PKD1L3: variants seen among roughly 807,000 people sequenced by gnomAD.
PKD1L3 encodes polycystin-1-like protein 3.
A neutral mutation model predicts 184.1 loss-of-function variants in PKD1L3; 239 were observed. The observed-to-expected ratio is 1.30, with a 90% CI of 1.17 to 1.45. PKD1L3 has a LOEUF of 1.45. Ranked by LOEUF, PKD1L3 falls within the 40% of genes most tolerant of loss-of-function variation. PKD1L3 has a pLI of 0.00. For synonymous variants in PKD1L3, 996 were observed against 778.8 expected (o/e 1.28, Z -4.64); for missense variants, 2,660 against 2,067.2 (o/e 1.29, Z -5.56).
In PKD1L3 at chr16:71,977,279, G is replaced by A. The variant is rs1470451275; in HGVS notation, c.1716C>T (p.Phe572=). ...CCTTTGGAAGGGTGATGTTCAGGTG[G>A]AAGTGAGTGCAGTTAGGCTGATACT... ...GFQYQPNCTH[F]HLNITLPKDK... The change falls in exon 11 of 30, where the codon TTC becomes TTT. Residue 572 remains phenylalanine, a synonymous_variant. Transcript: ENST00000620267. The A allele has an allele frequency of 1.6e-5, 24 of 1,538,348 alleles. No homozygotes were observed. The highest frequency in any genetic ancestry group is 2.0e-5 in the Non-Finnish European group (23 of 1,135,024).
At chr16:71,974,827 T>C (rs2039858577) in intron 11 of PKD1L3, among the ~76,000 whole-genome samples, 1 of 152,184 alleles carries the variant, frequency 6.6e-6, no homozygotes, top group African/African-American at 2.4e-5. Flanking sequence ...TTAGAAGTGA[T>C]TGTTCCTGTG....
Position 71,998,309 on chromosome 16 carries a change from G to T in PKD1L3, c.381C>A (p.Asp127Glu). The T allele has an allele frequency of 1.3e-6, 2 of 1,552,208 alleles. No individual in the cohort carries two copies. Among genetic ancestry groups the T allele is most frequent in the Non-Finnish European group, 1.7e-6 (2 of 1,147,094 alleles). ...RNFIRISSKG[D>E]KCLLKYYFIC... ...TGAAATAGTATTTCAGTAAGCACTT[G>T]TCCCCTTTGGATGAGATCCGAATGA... The change falls in exon 2 of 30, where the codon GAC becomes GAA. Residue 127 changes from aspartate (D) to glutamate (E), a missense_variant. Asp to Glu is a conservative substitution (Grantham distance 45, BLOSUM62 2). Coordinates refer to ENST00000620267, the MANE Select transcript of PKD1L3 (RefSeq NM_181536.2).
At chr16:71,947,815 C>G (rs2038677361) in intron 21 of PKD1L3, among the ~76,000 whole-genome samples, 1 of 152,094 alleles carries the variant, frequency 6.6e-6, no homozygotes, top group Admixed American at 6.6e-5. Flanking sequence ...GCTTATAGTT[C>G]TTAATCTGGT....
At chr16:71,996,707 G>C (rs1002217875) in intron 2 of PKD1L3, among the ~76,000 whole-genome samples, 1 of 152,116 alleles carries the variant, frequency 6.6e-6, no homozygotes, top group African/African-American at 2.4e-5. Flanking sequence ...GTAACATTTT[G>C]AGATTGGCTT....
At chr16:71,996,507 G>T (rs1037505030) in intron 2 of PKD1L3, among the ~76,000 whole-genome samples, 1 of 152,048 alleles carries the variant, frequency 6.6e-6, no homozygotes, top group Admixed American at 6.6e-5. Context: ...TGATCCACCC[G>T]CCTTGGCCTC....
chr16:71,993,365 A>G, intron 2 of PKD1L3, 33 bp from the exon 3 acceptor site: 1 of 1,351,168 alleles, frequency 7.4e-7, no homozygotes, highest in Admixed American at 2.1e-5. Flanking sequence ...GTTAATTTAT[A>G]GGTTATAGCT....
chr16:71,996,606 C>T (rs1177455059), intron 2 of PKD1L3, among the ~76,000 whole-genome samples: 1 of 152,064 alleles, frequency 6.6e-6, no homozygotes, highest in Non-Finnish European at 1.5e-5. Context: ...TGCCCCCATG[C>T]CCTTCTTAGA....
rs778582001 is a variant in PKD1L3 at position 71,986,342 on chromosome 16, G to T, written c.713C>A (p.Pro238His). ...TTGCCCAGCATGCGTGACAGACACG[G>T]GCATGGTGAGCTGTGTTATCACAGG... is the stretch of plus-strand genomic sequence containing the variant. Reference protein sequence around the residue: ...PLPVITQLTMPVSVTHAGQSL... With the variant: ...PLPVITQLTMHVSVTHAGQSL... Residue 238 changes from proline (P) to histidine (H), a missense_variant, in exon 5 of 30, where the codon CCC becomes CAC. Physicochemically the swap from Pro to His is moderately conservative, Grantham distance 77. Coordinates refer to ENST00000620267, the MANE Select transcript of PKD1L3 (RefSeq NM_181536.2). 83 of 1,551,940 alleles carry T rather than the reference G, an allele frequency of 5.3e-5. No homozygotes were observed. The South Asian group carries it at 6.7e-4, about 12-fold the overall frequency.
intron 28 of PKD1L3, chr16:71,930,974 T>C (rs1297313297): frequency 1.3e-5 from 2 of 152,220 alleles, no homozygotes; most frequent in South Asian, 2.1e-4. Context: ...AAAATGATTA[T>C]TATAACAATT....
At position 71,984,112 on chromosome 16, in the gene PKD1L3, A is replaced by G. The variant is rs754589341; in HGVS notation, c.890T>C (p.Leu297Pro). Residue 297 changes from leucine (L) to proline (P), a missense_variant, in exon 6 of 30, where the codon CTT becomes CCT. Coordinates refer to ENST00000620267, the MANE Select transcript of PKD1L3 (RefSeq NM_181536.2). ...FSRAVHGLQA[L>P]NKLQEACEFL... Reference sequence around the variant, plus strand: ...CTCACAAGCTTCCTGTAGTTTGTTAAGAGCTTGCAAACCATGAACTGCTCT... The same window carrying G: ...CTCACAAGCTTCCTGTAGTTTGTTAGGAGCTTGCAAACCATGAACTGCTCT... The G allele has an allele frequency of 3.4e-5, 53 of 1,552,072 alleles. No individual in the cohort carries two copies. The highest frequency in any genetic ancestry group is 4.4e-5 in the Non-Finnish European group (51 of 1,147,028).
At chr16:71,935,861 C>G (rs1305100035) in intron 25 of PKD1L3, among the ~76,000 whole-genome samples, 1 of 152,280 alleles carries the variant, frequency 6.6e-6, no homozygotes, top group East Asian at 1.9e-4. Context: ...GCGATCATAG[C>G]TCACTGCAGC....
rs2040924249 is a variant in PKD1L3, at chr16:72,000,386, TG to T, written c.-409del. 6.6e-6 allele frequency among the ~76,000 whole-genome samples: 1 copy of T among 152,116 alleles called. No homozygotes were observed. ...TCTCATTCTGTTGGTCAGGCTGGAG[TG>T]CAGTGGCATGATCTCAGCTCACTGC... On this transcript the variant is annotated 5_prime_UTR_variant, in exon 1 of 30. It introduces an in-frame stop codon into an upstream open reading frame of the 5' UTR. Coordinates refer to ENST00000620267, the MANE Select transcript of PKD1L3 (RefSeq NM_181536.2).
At chr16:71,955,316 G>C (rs1209347503) in intron 16 of PKD1L3, among the ~76,000 whole-genome samples, 1 of 151,646 alleles carries the variant, frequency 6.6e-6, no homozygotes, top group East Asian at 1.9e-4. Context: ...GGGAGGGAGA[G>C]GGAAAGTAAT....
chr16:71,961,558 A>C (rs1877765424), intron 16 of PKD1L3, among the ~76,000 whole-genome samples: 1 of 115,488 alleles, frequency 8.7e-6, no homozygotes, highest in Non-Finnish European at 2.1e-5. Flanking sequence ...TGCCACGCAG[A>C]AGCCATACAT....
intron 24 of PKD1L3, among the ~76,000 whole-genome samples, chr16:71,937,733 G>T (rs1416101925): frequency 6.6e-6 from 1 of 152,190 alleles, no homozygotes; most frequent in Non-Finnish European, 1.5e-5. Flanking sequence ...AGTGGCTGCA[G>T]AGAGAGGTCT....
chr16:71,968,119 C>T, intron 13 of PKD1L3, 112 bp from the exon 14 acceptor site: 1 of 813,036 alleles, frequency 1.2e-6, no homozygotes, highest in Non-Finnish European at 1.9e-6. Flanking sequence ...GGCAGCCCTG[C>T]AGAAAGCAGG....
Position 71,982,044 on chromosome 16 carries a change from A to G in PKD1L3, c.1143+15T>C, listed in dbSNP as rs1303401159. On this transcript the variant is annotated intron_variant, in intron 7 of 29. Transcript: ENST00000620267. ...CTTCTAAGCAGATCTGGCCACCTGC[A>G]TATCTGGCACCTACCGGCTCAGTAT... 3.9e-6 allele frequency: 6 copies of G among 1,532,640 alleles called. No individual in the cohort carries two copies. Among genetic ancestry groups the G allele is most frequent in the East Asian group, 4.9e-5 (2 of 40,732 alleles). 94.9% of individuals were successfully genotyped at this position (1,532,640 alleles called of 1,614,324 possible). A position where few individuals can be genotyped will look rare whatever the true frequency, so the allele number is the denominator to read the frequency against.
intron 26 of PKD1L3, among the ~76,000 whole-genome samples, chr16:71,934,647 A>G (rs906519163): frequency 6.6e-6 from 1 of 152,150 alleles, no homozygotes; most frequent in African/African-American, 2.4e-5. Context: ...TTGTTTTGAG[A>G]GAGAGACATT....
chr16:71,982,631 C>G (rs373484366), intron 6 of PKD1L3, among the ~76,000 whole-genome samples: 48 of 152,062 alleles, frequency 3.2e-4, no homozygotes, highest in African/African-American at 1.0e-3. Flanking sequence ...GGGTCTTGCT[C>G]TGTTGCCCCG....
Sources: allele counts gnomAD v4.1 joint callset (sites outside exome capture counted in the v4.1 genomes callset), GRCh38; gene constraint gnomAD v4.1.1; transcripts MANE v1.5; gene names NCBI Gene and HGNC (gene_info 2026-07-23, HGNC 2026-07-21).